PEAK1: variants seen among roughly 807,000 people sequenced by gnomAD.
The protein encoded by PEAK1 is inactive tyrosine-protein kinase PEAK1.
PEAK1 carries 54 observed loss-of-function variants against 124.7 expected under a neutral mutation model. The observed-to-expected ratio is 0.43, with a 90% CI of 0.35 to 0.54. PEAK1 has a LOEUF of 0.54. PEAK1 is among the 20% of genes least tolerant of loss of function. The pLI, the probability that PEAK1 is intolerant of heterozygous loss-of-function variation, is 0.01. For missense variants in PEAK1, 2,046 were observed against 2,134.5 expected (o/e 0.96, Z 0.82); for synonymous variants, 719 against 760.0 (o/e 0.95, Z 0.89).
intron 8 of PEAK1, among the ~76,000 whole-genome samples, chr15:77,154,431 CT>C (rs1468861969): frequency 6.6e-5 from 10 of 152,110 alleles, no homozygotes; most frequent in Non-Finnish European, 1.5e-4. Context: ...GGTCTTGACT[CT>C]TTATCCAATT....
chr15:77,187,221 A>C (rs2057590859), intron 6 of PEAK1, among the ~76,000 whole-genome samples: 2 of 152,174 alleles, frequency 1.3e-5, no homozygotes, highest in South Asian at 4.1e-4. Context: ...CCATGATCTA[A>C]AATCCTATTT....
intron 2 of PEAK1, chr15:77,333,882 C>T (rs2066038807): frequency 4.1e-6 from 2 of 485,896 alleles, no homozygotes; most frequent in Non-Finnish European, 5.3e-6. Context: ...TTCTTTTAAA[C>T]TTATTCTACA....
chr15:77,339,727 G>C (rs553723107), intron 2 of PEAK1, among the ~76,000 whole-genome samples: 1 of 152,272 alleles, frequency 6.6e-6, no homozygotes, highest in African/African-American at 2.4e-5. Context: ...CACATACTGA[G>C]AGAAAATATT....
At chr15:77,183,834 A>T (rs566890515) in intron 6 of PEAK1, among the ~76,000 whole-genome samples, 1 of 152,078 alleles carries the variant, frequency 6.6e-6, no homozygotes, top group African/African-American at 2.4e-5. Flanking sequence ...ATGATTTTTG[A>T]TCTTTTTTTT....
At chr15:77,221,606 C>A (rs2059393812) in intron 6 of PEAK1, among the ~76,000 whole-genome samples, 1 of 152,028 alleles carries the variant, frequency 6.6e-6, no homozygotes, top group Non-Finnish European at 1.5e-5. Flanking sequence ...TCCTGGAACA[C>A]ATGTGCTGTT....
intron 5 of PEAK1, among the ~76,000 whole-genome samples, chr15:77,261,593 C>T (rs2061443788): frequency 6.6e-6 from 1 of 152,052 alleles, no homozygotes; most frequent in African/African-American, 2.4e-5. Context: ...AAGCCTCCAA[C>T]AAATATAGGA....
At chr15:77,390,496 TG>T (rs2070365331) in intron 1 of PEAK1, among the ~76,000 whole-genome samples, 1 of 152,202 alleles carries the variant, frequency 6.6e-6, no homozygotes, top group Non-Finnish European at 1.5e-5. Flanking sequence ...CACACTTCCA[TG>T]GGCACAGGTA....
At chr15:77,266,765 C>G (rs899761618) in intron 5 of PEAK1, among the ~76,000 whole-genome samples, 9 of 152,114 alleles carry the variant, frequency 5.9e-5, no homozygotes, top group African/African-American at 2.2e-4. Flanking sequence ...TGTAGAGACC[C>G]ACATCACGAA....
chr15:77,148,032 A>G (rs1036344648), intron 8 of PEAK1, among the ~76,000 whole-genome samples: 11 of 152,224 alleles, frequency 7.2e-5, no homozygotes, highest in African/African-American at 2.7e-4. Context: ...ACTGTATTGA[A>G]TAATAATTCA....
At position 77,223,653 on chromosome 15, in the gene PEAK1, C is replaced by T. The variant is rs948067895; in HGVS notation, c.-115+28714G>A. On this transcript the variant is annotated intron_variant, in intron 6 of 9. Coordinates refer to ENST00000682557, the MANE Select transcript of PEAK1 (RefSeq NM_001385026.1). ...GCAAGCCAATACTCAAACTATTAGA[C>T]TAGTGGGAAGAATGGTAATGCATTT... Among the ~76,000 whole-genome samples the T allele has an allele frequency of 7.2e-5, 11 of 151,968 alleles. No individual in the cohort carries two copies. In the East Asian group the frequency reaches 7.7e-4, roughly 11 times the overall value.
intron 6 of PEAK1, among the ~76,000 whole-genome samples, chr15:77,224,777 CT>C (rs2059553682): frequency 1.3e-5 from 2 of 151,954 alleles, no homozygotes; most frequent in Non-Finnish European, 1.5e-5. Flanking sequence ...TAGAATTTTG[CT>C]GAATTATTTC....
At chr15:77,196,073 T>C (rs1283227387) in intron 6 of PEAK1, among the ~76,000 whole-genome samples, 1 of 152,232 alleles carries the variant, frequency 6.6e-6, no homozygotes, top group Non-Finnish European at 1.5e-5. Flanking sequence ...GTCTATAGTG[T>C]TTCTACTAAA....
At chr15:77,335,569 T>C in intron 2 of PEAK1, 1 of 899,444 alleles carries the variant, frequency 1.1e-6, no homozygotes. Context: ...AGCCATGAAG[T>C]CTGGGCTTAA....
At chr15:77,394,823 G>A (rs537368223) in intron 1 of PEAK1, among the ~76,000 whole-genome samples, 1 of 152,342 alleles carries the variant, frequency 6.6e-6, no homozygotes, top group South Asian at 2.1e-4. Context: ...CAATCCTGGA[G>A]AGACAGAGAT....
At chr15:77,396,844 G>C (rs2070929303) in intron 1 of PEAK1, among the ~76,000 whole-genome samples, 2 of 152,252 alleles carry the variant, frequency 1.3e-5, no homozygotes, top group African/African-American at 2.4e-5. Flanking sequence ...GTTAAAGAGA[G>C]ATCTAGATCC....
chr15:77,279,858 T>A (rs1401591383), intron 5 of PEAK1, among the ~76,000 whole-genome samples: 1 of 152,210 alleles, frequency 6.6e-6, no homozygotes, highest in African/African-American at 2.4e-5. Flanking sequence ...AAATTCCATT[T>A]ATACAATATT....
chr15:77,219,235 G>C (rs1270664446), intron 6 of PEAK1, among the ~76,000 whole-genome samples: 1 of 152,030 alleles, frequency 6.6e-6, no homozygotes, highest in Non-Finnish European at 1.5e-5. Context: ...AACTAGGCTA[G>C]CGGCAGAAAG....
At chr15:77,183,000 A>G (rs923772630) in intron 6 of PEAK1, among the ~76,000 whole-genome samples, 5 of 152,188 alleles carry the variant, frequency 3.3e-5, no homozygotes, top group African/African-American at 9.6e-5. Flanking sequence ...GCAAAACTAT[A>G]AAACACTGAT....
intron 2 of PEAK1, among the ~76,000 whole-genome samples, chr15:77,302,037 TTG>T (rs2063814662): frequency 6.6e-6 from 1 of 151,646 alleles, no homozygotes; most frequent in Non-Finnish European, 1.5e-5. Flanking sequence ...ACTCCTATCG[TTG>T]TGTCTTGTTT....
Sources: allele counts gnomAD v4.1 joint callset (sites outside exome capture counted in the v4.1 genomes callset), GRCh38; gene constraint gnomAD v4.1.1; transcripts MANE v1.5; gene names NCBI Gene and HGNC (gene_info 2026-07-23, HGNC 2026-07-21).